SLC2A13: variants seen among roughly 807,000 people sequenced by gnomAD.
SLC2A13 encodes proton myo-inositol cotransporter.
In SLC2A13, 32 loss-of-function variants were observed where a neutral mutation model predicts 64.4. The ratio of observed to expected loss-of-function variants is 0.50; its 90% CI spans 0.37 to 0.67. The LOEUF (loss-of-function observed/expected upper bound fraction) is 0.67, where lower values mean the gene tolerates loss of function less well. Among genes scored for constraint, SLC2A13 ranks in the 30% least tolerant of loss-of-function variants. The probability of loss-of-function intolerance (pLI) is 0.00; values close to 1 mark genes in which losing one functional copy is unlikely to be tolerated. For missense variants in SLC2A13, 743 were observed against 829.2 expected, an observed-to-expected ratio of 0.90 and a Z score of 1.28; for synonymous variants, 338 against 327.1, an observed-to-expected ratio of 1.03 and a Z score of -0.36.
chr12:39,806,953 A>C (rs1411119015), intron 7 of SLC2A13, among the ~76,000 whole-genome samples: 1 of 152,172 alleles, frequency 6.6e-6, no homozygotes, highest in Non-Finnish European at 1.5e-5. Flanking sequence ...TGCTGAGAAA[A>C]AAGCCAGTCC....
intron 7 of SLC2A13, among the ~76,000 whole-genome samples, chr12:39,771,392 A>G (rs1288116957): frequency 6.6e-6 from 1 of 152,180 alleles, no homozygotes; most frequent in Non-Finnish European, 1.5e-5. Context: ...GCAAGTCGCC[A>G]TGCTGTAGGA....
At chr12:40,021,204 C>T (rs1947709634) in intron 3 of SLC2A13, among the ~76,000 whole-genome samples, 1 of 152,096 alleles carries the variant, frequency 6.6e-6, no homozygotes, top group South Asian at 2.1e-4. Flanking sequence ...TTTTCTTCTC[C>T]CGTGAGTATG....
At chr12:39,767,004 C>T (rs1175897043) in intron 7 of SLC2A13, among the ~76,000 whole-genome samples, 1 of 152,068 alleles carries the variant, frequency 6.6e-6, no homozygotes, top group Non-Finnish European at 1.5e-5. Flanking sequence ...ATTTTGACCT[C>T]CTCCCATGAA....
intron 3 of SLC2A13, among the ~76,000 whole-genome samples, chr12:39,991,295 C>T (rs549794422): frequency 6.6e-6 from 1 of 152,252 alleles, no homozygotes. Context: ...TCCTTCATCT[C>T]AAATGGGCTC....
At chr12:39,939,120 A>G (rs1274130208) in intron 4 of SLC2A13, among the ~76,000 whole-genome samples, 1 of 152,148 alleles carries the variant, frequency 6.6e-6, no homozygotes, top group African/African-American at 2.4e-5. Context: ...GCCTACTGAC[A>G]TAGCCTGCTT....
intron 4 of SLC2A13, among the ~76,000 whole-genome samples, chr12:39,906,323 A>T (rs544896498): frequency 3.3e-5 from 5 of 152,232 alleles, no homozygotes; most frequent in African/African-American, 1.2e-4. Flanking sequence ...TGTAAACTAA[A>T]TTTCATCAGA....
At chr12:39,935,276 T>C (rs1945899280) in intron 4 of SLC2A13, among the ~76,000 whole-genome samples, 3 of 152,182 alleles carry the variant, frequency 2.0e-5, no homozygotes, top group Middle Eastern at 3.2e-3. Context: ...ACCTATCCAA[T>C]ATTATAAATC....
At chr12:39,968,227 G>A (rs1376424173) in intron 3 of SLC2A13, among the ~76,000 whole-genome samples, 1 of 152,172 alleles carries the variant, frequency 6.6e-6, no homozygotes, top group Non-Finnish European at 1.5e-5. Context: ...GTGGCAGCAA[G>A]GAGATATGCA....
chr12:39,818,512 T>C (rs1301844678), intron 7 of SLC2A13, among the ~76,000 whole-genome samples: 2 of 152,176 alleles, frequency 1.3e-5, no homozygotes, highest in African/African-American at 4.8e-5. Context: ...AACTCTAACT[T>C]TATAAGTAGC....
chr12:39,890,012 C>A (rs991561092), intron 4 of SLC2A13, among the ~76,000 whole-genome samples: 3 of 152,142 alleles, frequency 2.0e-5, no homozygotes, highest in Non-Finnish European at 4.4e-5. Context: ...TAAGTCTATA[C>A]TTGCCAGAAG....
chr12:39,794,025 G>A (rs4768181), intron 7 of SLC2A13, among the ~76,000 whole-genome samples: 143,577 of 151,158 alleles, frequency 0.95, 68,256 homozygotes, highest in East Asian at 0.99. Context: ...CTACTTTCTT[G>A]TTCTCTGATA....
At chr12:39,790,127 C>CTT (rs59535689) in intron 7 of SLC2A13, among the ~76,000 whole-genome samples, 1 of 145,642 alleles carries the variant, frequency 6.9e-6, no homozygotes, top group African/African-American at 2.5e-5. Flanking sequence ...CTTTTGTGTT[C>CTT]TTTTTTTTTT....
At chr12:39,984,289 C>T (rs1446896687) in intron 3 of SLC2A13, among the ~76,000 whole-genome samples, 1 of 151,590 alleles carries the variant, frequency 6.6e-6, no homozygotes, top group East Asian at 1.9e-4. Flanking sequence ...TGTAACTAAC[C>T]TGCACAATGT....
chr12:40,023,335 CCAGAAACTGTGCTTGAGGGG>C (rs1947753759), intron 3 of SLC2A13, among the ~76,000 whole-genome samples: 1 of 152,162 alleles, frequency 6.6e-6, no homozygotes, highest in Non-Finnish European at 1.5e-5. Context: ...CTAAGACCTC[CCAGAAACTGTGCTTGAGGGG>C]CTCCTGCAGC....
chr12:39,990,565 G>A (rs1475162882), intron 3 of SLC2A13, among the ~76,000 whole-genome samples: 1 of 152,154 alleles, frequency 6.6e-6, no homozygotes, highest in Non-Finnish European at 1.5e-5. Flanking sequence ...AAAATCTGGG[G>A]AATGGGTGCT....
chr12:39,827,953 A>G (rs898081536), intron 7 of SLC2A13, among the ~76,000 whole-genome samples: 1 of 152,144 alleles, frequency 6.6e-6, no homozygotes, highest in African/African-American at 2.4e-5. Flanking sequence ...CGACCTTGAA[A>G]TATCTAGAGA....
chr12:39,799,617 A>G (rs1328095695), intron 7 of SLC2A13, among the ~76,000 whole-genome samples: 8 of 152,206 alleles, frequency 5.3e-5, no homozygotes, highest in Non-Finnish European at 1.2e-4. Flanking sequence ...TTAGCTAAAA[A>G]CCTGGTCAAA....
intron 1 of SLC2A13, among the ~76,000 whole-genome samples, chr12:40,060,178 T>A (rs1331508308): frequency 6.6e-6 from 1 of 152,054 alleles, no homozygotes; most frequent in Non-Finnish European, 1.5e-5. Flanking sequence ...CACAGACATA[T>A]AGACAGATGT....
intron 6 of SLC2A13, among the ~76,000 whole-genome samples, chr12:39,858,933 A>G (rs1943680826): frequency 6.6e-6 from 1 of 152,134 alleles, no homozygotes; most frequent in Admixed American, 6.5e-5. Context: ...AGGTTGCATA[A>G]AAGTTTTATG....
Sources: gnomAD v4.1 joint callset for allele counts (sites outside exome capture counted in the v4.1 genomes callset) on GRCh38, gnomAD v4.1.1 for gene constraint, MANE v1.5 for transcripts, NCBI Gene and HGNC (gene_info 2026-07-23, HGNC 2026-07-21) for gene names.